Variants in AGAP1 observed in about 807,000 individuals in gnomAD.
AGAP1 encodes the protein ArfGAP with GTPase domain, ankyrin repeat and PH domain 1, also known as arf-GAP with GTPase, ANK repeat and PH domain-containing protein 1.
AGAP1 carries 29 observed loss-of-function variants against 105.3 expected under a neutral mutation model. The ratio of observed to expected loss-of-function variants is 0.28; its 90% CI spans 0.21 to 0.38. The LOEUF is 0.38. AGAP1 is among the 10% of genes least tolerant of loss of function. The pLI, the probability that AGAP1 is intolerant of heterozygous loss-of-function variation, is 1.00. For synonymous variants in AGAP1, 509 were observed against 485.9 expected (o/e 1.05, Z -0.63); for missense variants, 998 against 1,165.1 (o/e 0.86, Z 2.09).
chr2:235,776,158 C>A lies in AGAP1; in HGVS notation c.674-21601C>A, dbSNP rs546231126. Among the ~76,000 whole-genome samples, 4 of 152,234 alleles carry A rather than the reference C, an allele frequency of 2.6e-5. No homozygotes were observed. The South Asian group carries it at 8.3e-4, about 32-fold the overall frequency. The stretch of plus-strand genomic sequence containing the variant: ...ACAAGGGCCAAAAGTGGACCTGTTT[C>A]AAAATTCTGGTCACAGTGTCTAGGA... On this transcript the variant is annotated intron_variant, in intron 6 of 17. Transcript: ENST00000304032.
chr2:235,907,961 A>G (rs1575750903), intron 10 of AGAP1, among the ~76,000 whole-genome samples: 1 of 152,158 alleles, frequency 6.6e-6, no homozygotes, highest in African/African-American at 2.4e-5. Flanking sequence ...AGAAATAATA[A>G]TAATAACAAT....
intron 9 of AGAP1, among the ~76,000 whole-genome samples, chr2:235,835,209 C>T (rs909393038): frequency 6.6e-5 from 10 of 152,228 alleles, no homozygotes; most frequent in African/African-American, 2.4e-4. Flanking sequence ...GATTTTGTCA[C>T]TCCTTCAGTT....
intron 1 of AGAP1, among the ~76,000 whole-genome samples, chr2:235,658,439 T>C (rs1190606991): frequency 6.6e-6 from 1 of 152,220 alleles, no homozygotes; most frequent in Non-Finnish European, 1.5e-5. Flanking sequence ...TATGGCTTTA[T>C]AAGTGAGTAT....
At position 235,967,728 on chromosome 2, in the gene AGAP1, GT is replaced by G. The variant is rs1387157429; in HGVS notation, c.1484-732del. 1.5e-4 allele frequency among the ~76,000 whole-genome samples: 23 copies of G among 152,296 alleles called. No homozygotes were observed. Among genetic ancestry groups the G allele is most frequent in the African/African-American group, 5.3e-4 (22 of 41,566 alleles). ...TCCACCCGGCTTGAATTATATGCGC[GT>G]TCTGGTCATGTAGTACCGCTTTGGC... On this transcript the variant is annotated intron_variant, in intron 12 of 17. Transcript: ENST00000304032. The surrounding 1 kb of genome is among the most constrained non-coding windows in gnomAD (Gnocchi z 4.7).
chr2:235,534,699 GC>G lies in AGAP1; in HGVS notation c.163+39852del, dbSNP rs536309108. ...CATTAAAGCCTCAGGGATACACGGT[GC>G]CACCGTTTCCTCATTCAGGGACACG... is the stretch of plus-strand genomic sequence containing the variant. On this transcript the variant is annotated intron_variant, in intron 1 of 17. Transcript: ENST00000304032. 2.0e-5 allele frequency among the ~76,000 whole-genome samples: 3 copies of G among 152,306 alleles called. No homozygotes were observed. In the South Asian group the frequency reaches 6.2e-4, roughly 32 times the overall value.
At chr2:235,869,929 G>A (rs192708099) in intron 9 of AGAP1, among the ~76,000 whole-genome samples, 32 of 152,340 alleles carry the variant, frequency 2.1e-4, no homozygotes, top group Admixed American at 1.4e-3. Flanking sequence ...TCCCAGGGGT[G>A]TAAAGCAGGA....
At chr2:235,942,368 C>T (rs573699817) in intron 12 of AGAP1, among the ~76,000 whole-genome samples, 57 of 152,282 alleles carry the variant, frequency 3.7e-4, no homozygotes, top group African/African-American at 1.3e-3. Context: ...GGCCTCAAGG[C>T]AACAATGTGT....
rs1410342411 is a variant in AGAP1, at chr2:235,906,747, A to T, written c.1156-1991A>T. Reference sequence around the variant, plus strand: ...CTCTGCCCTGAGGACCCACAGTTTCATTCCTTTCCCCTGAACTGGAATTGT... The same window carrying T: ...CTCTGCCCTGAGGACCCACAGTTTCTTTCCTTTCCCCTGAACTGGAATTGT... On this transcript the variant is annotated intron_variant, in intron 10 of 17. Coordinates refer to ENST00000304032, the MANE Select transcript of AGAP1 (RefSeq NM_001037131.3). This position sits in a 1 kb window ranked among gnomAD's most constrained non-coding sequence, Gnocchi z 5.3. Among the ~76,000 whole-genome samples, 1 of 152,142 alleles carries T rather than the reference A, an allele frequency of 6.6e-6. No homozygotes were observed. The highest frequency in any genetic ancestry group is 1.5e-5 in the Non-Finnish European group (1 of 68,022).
chr2:236,122,561 GT>G (rs1171238105), intron 17 of AGAP1, among the ~76,000 whole-genome samples: 4 of 151,954 alleles, frequency 2.6e-5, no homozygotes, highest in Non-Finnish European at 5.9e-5. Flanking sequence ...GCTTAAAAAC[GT>G]TGTGTACTTT....
At chr2:236,079,549 TATATAC>T (rs2058728036) in intron 16 of AGAP1, among the ~76,000 whole-genome samples, 1 of 120,922 alleles carries the variant, frequency 8.3e-6, no homozygotes, top group African/African-American at 4.6e-5. Flanking sequence ...AAATTATATA[TATATAC>T]ACACACACAC....
chr2:235,597,984 G>C (rs1196755705), intron 1 of AGAP1, among the ~76,000 whole-genome samples: 1 of 127,774 alleles, frequency 7.8e-6, no homozygotes, highest in Non-Finnish European at 1.6e-5. Flanking sequence ...ACGCGCTCCC[G>C]TGTTTCCTGT....
rs1952072815 is a variant in AGAP1, at chr2:235,733,586, T to C, written c.311-7377T>C. On this transcript the variant is annotated intron_variant, in intron 3 of 17. Coordinates refer to ENST00000304032, the MANE Select transcript of AGAP1 (RefSeq NM_001037131.3). The surrounding 1 kb of genome is among the most constrained non-coding windows in gnomAD (Gnocchi z 5.0). Reference sequence around the variant, plus strand: ...AAATTCAGTTATAGTGAAGTTCTAATCTGCCATCTTAACCTGGAGTTTGGC... The same window carrying C: ...AAATTCAGTTATAGTGAAGTTCTAACCTGCCATCTTAACCTGGAGTTTGGC... 6.6e-6 allele frequency among the ~76,000 whole-genome samples: 1 copy of C among 152,240 alleles called. No homozygotes were observed. Among genetic ancestry groups the C allele is most frequent in the East Asian group, 1.9e-4 (1 of 5,198 alleles).
rs146793011 is a variant in AGAP1 at position 235,549,570 on chromosome 2, G to A, written c.163+54721G>A. On this transcript the variant is annotated intron_variant, in intron 1 of 17. Transcript: ENST00000304032. This position sits in a 1 kb window ranked among gnomAD's most constrained non-coding sequence, Gnocchi z 4.2. ...GAGTTGCATTGCTCCTCCGTCTTCC[G>A]CGTGCCTGTGGGCAGCTTTTGTTCC... 2.2e-3 allele frequency among the ~76,000 whole-genome samples: 335 copies of A among 152,258 alleles called. 2 individuals carry two copies. The highest frequency in any genetic ancestry group is 7.7e-3 in the African/African-American group (318 of 41,550).
intron 16 of AGAP1, among the ~76,000 whole-genome samples, chr2:236,111,323 A>G (rs1040218501): frequency 6.6e-6 from 1 of 151,688 alleles, no homozygotes; most frequent in African/African-American, 2.4e-5. Context: ...TTGAATCCCA[A>G]CCTGGACAAT....
chr2:235,510,179 G>A (rs540598178), intron 1 of AGAP1, among the ~76,000 whole-genome samples: 2 of 152,272 alleles, frequency 1.3e-5, no homozygotes, highest in South Asian at 2.1e-4. Context: ...GAAATAAGGT[G>A]CACAATAAAT....
rs990532794 is a variant in AGAP1 at position 236,127,513 on chromosome 2, T to G, written c.*3391T>G. ...AGGAGAGAGCGGGATCTTAATGAAT[T>G]GCATTTCCTGCAGAGCCTCTAGTGC... On this transcript the variant is annotated 3_prime_UTR_variant, in exon 18 of 18. Transcript: ENST00000304032. This position sits in a 1 kb window ranked among gnomAD's most constrained non-coding sequence, Gnocchi z 6.6. 3.9e-5 allele frequency: 6 copies of G among 152,202 alleles called. No homozygotes were observed. Among genetic ancestry groups the G allele is most frequent in the Non-Finnish European group, 2.9e-5 (2 of 68,062 alleles). The allele number at this position is 152,202 out of a possible 1,614,324, so 9.4% of individuals were successfully genotyped here. A position where few individuals can be genotyped will look rare whatever the true frequency, so the allele number is the denominator to read the frequency against.
At chr2:235,844,328 A>C (rs936763829) in intron 9 of AGAP1, among the ~76,000 whole-genome samples, 6 of 152,292 alleles carry the variant, frequency 3.9e-5, no homozygotes, top group Admixed American at 3.3e-4. Flanking sequence ...CAGGGAGGGC[A>C]GCTCCCACCC....
Position 235,879,251 on chromosome 2 carries a change from G to C in AGAP1, c.1051-4094G>C, listed in dbSNP as rs2049893434. Among the ~76,000 whole-genome samples, 1 of 152,170 alleles carries C rather than the reference G, an allele frequency of 6.6e-6. No homozygotes were observed. The highest frequency in any genetic ancestry group is 1.5e-5 in the Non-Finnish European group (1 of 68,034). On this transcript the variant is annotated intron_variant, in intron 9 of 17. Coordinates refer to ENST00000304032, the MANE Select transcript of AGAP1 (RefSeq NM_001037131.3). The surrounding 1 kb of genome is among the most constrained non-coding windows in gnomAD (Gnocchi z 5.0). ...GACTGCACAGCCGGGCTGAGCATGG[G>C]GTAGTGCTCCAGCCACTGAAAGAAA... is the stretch of plus-strand genomic sequence containing the variant.
intron 3 of AGAP1, among the ~76,000 whole-genome samples, chr2:235,735,483 C>T (rs374842269): frequency 2.9e-4 from 44 of 152,254 alleles, no homozygotes; most frequent in Middle Eastern, 3.4e-3. Flanking sequence ...TGTTTTACTT[C>T]CCCCAGCACC....
Sources: allele counts gnomAD v4.1 joint callset (sites outside exome capture counted in the v4.1 genomes callset), GRCh38; gene constraint gnomAD v4.1.1; non-coding constraint Gnocchi (gnomAD v3.1); transcripts MANE v1.5; gene names NCBI Gene and HGNC (gene_info 2026-07-23, HGNC 2026-07-21).